The following CFTR variants were observed in gnomAD, a reference collection of about 807,000 sequenced individuals.
CFTR encodes cystic fibrosis transmembrane conductance regulator.
A neutral mutation model predicts 171.6 loss-of-function variants in CFTR; 181 were observed. The observed-to-expected ratio is 1.05, with a 90% confidence interval of 0.93 to 1.19. The LOEUF is 1.19. CFTR is among the 50% of genes most tolerant of loss of function. The pLI is 0.00. For synonymous variants in CFTR, 583 were observed against 608.0 expected (o/e 0.96, Z 0.60); for missense variants, 1,968 against 1,734.7 (o/e 1.13, Z -2.39).
At chr7:117,482,141 G>T (rs906855353) in intron 1 of CFTR, among the ~76,000 whole-genome samples, 1 of 152,044 alleles carries the variant, frequency 6.6e-6, no homozygotes, top group Non-Finnish European at 1.5e-5. Flanking sequence ...CAATGAGTGG[G>T]CCTGTATGAG....
Position 117,665,562 on chromosome 7 carries a change from T to A in CFTR, c.4240T>A (p.Leu1414Met). The A allele has an allele frequency of 6.3e-7, 1 of 1,591,830 alleles. No homozygotes were observed. Among genetic ancestry groups the A allele is most frequent in the Non-Finnish European group, 8.6e-7 (1 of 1,160,014 alleles). The part of the protein sequence containing the change: ...IEAMLECQQF[L>M]VIEENKVRQY... ...AGCAATGCTGGAATGCCAACAATTT[T>A]TGGTGAGTCTTTATAACTTTACTTA... Residue 1414 changes from leucine (L) to methionine (M), a missense_variant and splice_region_variant, in exon 26 of 27, where the codon TTG becomes ATG. By Grantham distance (15) the Leu-to-Met change is conservative. Coordinates refer to ENST00000003084, the MANE Select transcript of CFTR (RefSeq NM_000492.4).
At position 117,630,358 on chromosome 7, in the gene CFTR, A is replaced by G. The variant is rs1792722655; in HGVS notation, c.3717+2588A>G. Among the ~76,000 whole-genome samples the G allele has an allele frequency of 3.3e-5, 5 of 152,138 alleles. No homozygotes were observed. The South Asian group carries it at 8.3e-4, about 25-fold the overall frequency. On this transcript the variant is annotated intron_variant, in intron 22 of 26. Transcript: ENST00000003084. ...TTAGGCTATTAAGAGAAGGTTTTAT[A>G]TAGGAAGTGGCATTTAGAATGAAGC...
chr7:117,488,095 C>CT (rs753511056), intron 1 of CFTR, among the ~76,000 whole-genome samples: 1 of 152,164 alleles, frequency 6.6e-6, no homozygotes, highest in Non-Finnish European at 1.5e-5. Context: ...CATTGCTATA[C>CT]TTTTTTGTGT....
chr7:117,514,116 G>C (rs1453630317), intron 3 of CFTR, among the ~76,000 whole-genome samples: 1 of 152,086 alleles, frequency 6.6e-6, no homozygotes, highest in African/African-American at 2.4e-5. Flanking sequence ...ACTTTTGCTA[G>C]ATCTAAGGTG....
chr7:117,660,897 G>A (rs1793268481), intron 24 of CFTR, among the ~76,000 whole-genome samples: 1 of 151,996 alleles, frequency 6.6e-6, no homozygotes. Flanking sequence ...TTAAGGCAGA[G>A]CCTCCTGTTA....
At chr7:117,501,314 G>T (rs1032568061) in intron 1 of CFTR, among the ~76,000 whole-genome samples, 1 of 152,062 alleles carries the variant, frequency 6.6e-6, no homozygotes, top group East Asian at 1.9e-4. Context: ...GTGATCTGCT[G>T]CACTTAGCTC....
Position 117,509,041 on chromosome 7 carries a change from G to T in CFTR, c.172G>T (p.Asp58Tyr). The change falls in exon 3 of 27, where the codon GAT becomes TAT. Residue 58 changes from aspartate to tyrosine, a missense_variant. By Grantham distance (160) the Asp-to-Tyr change is radical. Coordinates refer to ENST00000003084, the MANE Select transcript of CFTR (RefSeq NM_000492.4). ...NLSEKLEREW[D>Y]RELASKKNPK... is the part of the protein sequence containing the mutation. ...CTTTTTATTCTTTTGCAGAGAATGG[G>T]ATAGAGAGCTGGCTTCAAAGAAAAA... The T allele has an allele frequency of 6.2e-7, 1 of 1,603,778 alleles. No homozygotes were observed. The highest frequency in any genetic ancestry group is 2.2e-5 in the East Asian group (1 of 44,802).
intron 11 of CFTR, among the ~76,000 whole-genome samples, chr7:117,582,076 A>G (rs916007579): frequency 4.6e-5 from 7 of 152,192 alleles, no homozygotes; most frequent in Non-Finnish European, 1.0e-4. Flanking sequence ...TTAGAATTAA[A>G]AAAAATTCCA....
chr7:117,652,337 G>A (rs1359918523), intron 23 of CFTR, among the ~76,000 whole-genome samples: 1 of 152,146 alleles, frequency 6.6e-6, no homozygotes, highest in Non-Finnish European at 1.5e-5. Flanking sequence ...GTTTATAGAT[G>A]AGATAAATGT....
chr7:117,631,701 G>T (rs955199742), intron 22 of CFTR, among the ~76,000 whole-genome samples: 2 of 152,256 alleles, frequency 1.3e-5, no homozygotes, highest in Admixed American at 6.5e-5. Flanking sequence ...ATTTTGCTAT[G>T]CATCTCTCCC....
intron 21 of CFTR, among the ~76,000 whole-genome samples, chr7:117,617,440 AC>A (rs1490567934): frequency 1.3e-5 from 2 of 152,096 alleles, no homozygotes; most frequent in Admixed American, 6.6e-5. Flanking sequence ...CTGTACAACA[AC>A]CTTTTTTATT....
chr7:117,655,628 A>G (rs1162054018), intron 24 of CFTR, among the ~76,000 whole-genome samples: 2 of 152,178 alleles, frequency 1.3e-5, no homozygotes, highest in African/African-American at 4.8e-5. Context: ...AAACTCTTCC[A>G]GCCTCTACTC....
intron 11 of CFTR, among the ~76,000 whole-genome samples, chr7:117,567,584 G>T (rs1285206635): frequency 1.3e-5 from 2 of 152,172 alleles, no homozygotes; most frequent in African/African-American, 2.4e-5. Flanking sequence ...ATAAATATTT[G>T]TTGAGTTCCT....
At chr7:117,562,507 G>A (rs1159643571) in intron 11 of CFTR, among the ~76,000 whole-genome samples, 1 of 152,148 alleles carries the variant, frequency 6.6e-6, no homozygotes, top group East Asian at 1.9e-4. Flanking sequence ...TGAACTGTGG[G>A]CACATTGGCT....
intron 1 of CFTR, among the ~76,000 whole-genome samples, chr7:117,498,914 A>C (rs761212839): frequency 6.6e-6 from 1 of 151,546 alleles, no homozygotes; most frequent in Admixed American, 6.6e-5. Flanking sequence ...AATGTATTTG[A>C]ATTTGTCTAC....
At chr7:117,648,069 G>GTGTA (rs1562924803) in intron 23 of CFTR, among the ~76,000 whole-genome samples, 1 of 144,538 alleles carries the variant, frequency 6.9e-6, no homozygotes, top group African/African-American at 2.5e-5. Flanking sequence ...ATGTATATAT[G>GTGTA]TATATATATA....
chr7:117,576,508 TC>T (rs1791772371), intron 11 of CFTR, among the ~76,000 whole-genome samples: 1 of 152,072 alleles, frequency 6.6e-6, no homozygotes, highest in African/African-American at 2.4e-5. Context: ...CCACAGAGAG[TC>T]CTGGAACCAA....
At chr7:117,559,966 G>A (rs879615775) in intron 11 of CFTR, among the ~76,000 whole-genome samples, 4 of 151,686 alleles carry the variant, frequency 2.6e-5, no homozygotes, top group Non-Finnish European at 5.9e-5. Context: ...TATTTATATG[G>A]CATGCATATA....
chr7:117,657,177 T>G (rs1041663643), intron 24 of CFTR, among the ~76,000 whole-genome samples: 1 of 152,150 alleles, frequency 6.6e-6, no homozygotes, highest in Non-Finnish European at 1.5e-5. Flanking sequence ...AAAATAAAAT[T>G]TACAGGAAAG....
Sources: allele counts gnomAD v4.1 joint callset (sites outside exome capture counted in the v4.1 genomes callset), GRCh38; gene constraint gnomAD v4.1.1; transcripts MANE v1.5; gene names NCBI Gene and HGNC (gene_info 2026-07-23, HGNC 2026-07-21).